The following GALNTL6 variants were observed in gnomAD, a reference collection of about 807,000 sequenced individuals.
GALNTL6 encodes the protein polypeptide N-acetylgalactosaminyltransferase-like 6.
GALNTL6 carries 46 observed loss-of-function variants against 73.7 expected under a neutral mutation model. The ratio of observed to expected loss-of-function variants is 0.62; its 90% CI spans 0.49 to 0.80. The LOEUF (loss-of-function observed/expected upper bound fraction) is 0.80, where lower values mean the gene tolerates loss of function less well. Among genes scored for constraint, GALNTL6 ranks in the 30% least tolerant of loss-of-function variants. The probability of loss-of-function intolerance (pLI) is 0.00; values close to 1 mark genes in which losing one functional copy is unlikely to be tolerated. For synonymous variants in GALNTL6, 259 were observed against 263.7 expected, an observed-to-expected ratio of 0.98 and a Z score of 0.17; for missense variants, 604 against 755.0, an observed-to-expected ratio of 0.80 and a Z score of 2.34.
chr4:172,003,336 G>A (rs1393654889), intron 2 of GALNTL6, among the ~76,000 whole-genome samples: 11 of 151,948 alleles, frequency 7.2e-5, no homozygotes, highest in Admixed American at 5.9e-4. Flanking sequence ...TAAGAAGGGA[G>A]AAAAAGGAAC....
At chr4:172,224,806 C>G (rs182166926) in intron 2 of GALNTL6, among the ~76,000 whole-genome samples, 1 of 152,234 alleles carries the variant, frequency 6.6e-6, no homozygotes, top group East Asian at 1.9e-4. Flanking sequence ...TTTTTTACCT[C>G]TGGTAAATAC....
At chr4:172,167,414 G>A (rs1297256271) in intron 2 of GALNTL6, among the ~76,000 whole-genome samples, 1 of 152,124 alleles carries the variant, frequency 6.6e-6, no homozygotes, top group African/African-American at 2.4e-5. Context: ...CCAACCAAAA[G>A]AAGTCTTGTT....
intron 5 of GALNTL6, among the ~76,000 whole-genome samples, chr4:172,583,479 A>G (rs985709000): frequency 7.9e-5 from 12 of 152,346 alleles, no homozygotes; most frequent in Admixed American, 1.3e-4. Context: ...ATATTATTCC[A>G]TTTTAAATTT....
chr4:172,994,654 G>C (rs1271737290), intron 10 of GALNTL6, among the ~76,000 whole-genome samples: 1 of 152,108 alleles, frequency 6.6e-6, no homozygotes, highest in Non-Finnish European at 1.5e-5. Flanking sequence ...ATTCGCAATA[G>C]ATAACCCAGA....
chr4:172,378,401 A>G (rs915315685), intron 5 of GALNTL6, among the ~76,000 whole-genome samples: 1 of 152,190 alleles, frequency 6.6e-6, no homozygotes, highest in Admixed American at 6.5e-5. Flanking sequence ...GGGAAGGTGA[A>G]AAGATATTAC....
chr4:173,003,534 A>C (rs1480455783), intron 10 of GALNTL6, among the ~76,000 whole-genome samples: 1 of 152,186 alleles, frequency 6.6e-6, no homozygotes, highest in African/African-American at 2.4e-5. Flanking sequence ...CAAACAAATA[A>C]ATAGTAGCTA....
At chr4:172,898,853 C>T (rs948759694) in intron 8 of GALNTL6, among the ~76,000 whole-genome samples, 12 of 152,134 alleles carry the variant, frequency 7.9e-5, no homozygotes, top group Admixed American at 2.6e-4. Flanking sequence ...TCAGACAGCC[C>T]GGCGCTGCAT....
chr4:172,099,642 T>C (rs1261398102), intron 2 of GALNTL6, among the ~76,000 whole-genome samples: 1 of 152,168 alleles, frequency 6.6e-6, no homozygotes, highest in African/African-American at 2.4e-5. Context: ...TAAATTTTCT[T>C]CTGGCTTTTC....
chr4:172,548,054 C>T (rs985241218), intron 5 of GALNTL6, among the ~76,000 whole-genome samples: 6 of 152,106 alleles, frequency 3.9e-5, no homozygotes, highest in African/African-American at 1.2e-4. Flanking sequence ...GTGTATTAAT[C>T]TATTGAGGAT....
intron 3 of GALNTL6, among the ~76,000 whole-genome samples, chr4:172,237,510 T>G (rs1737281302): frequency 6.6e-6 from 1 of 152,150 alleles, no homozygotes; most frequent in Admixed American, 6.5e-5. Context: ...ATGCATAGTT[T>G]ACAAATATTT....
intron 2 of GALNTL6, among the ~76,000 whole-genome samples, chr4:171,972,191 T>C (rs1231453349): frequency 6.6e-6 from 1 of 152,166 alleles, no homozygotes; most frequent in East Asian, 1.9e-4. Flanking sequence ...AACATATATA[T>C]GCCATATATG....
In GALNTL6 at chr4:172,809,271, C is replaced by CACAT. The variant is rs1297116858; in HGVS notation, c.554-87_554-84dup. 5.0e-6 allele frequency: 5 copies of CACAT among 1,003,996 alleles called. No individual in the cohort carries two copies. The highest frequency in any genetic ancestry group is 7.7e-6 in the Non-Finnish European group (5 of 651,330). The allele number at this position is 1,003,996 out of a possible 1,614,324, so 62.2% of individuals were successfully genotyped here. On this transcript the variant is annotated intron_variant, in intron 5 of 12. Transcript: ENST00000506823. This position sits in a 1 kb window ranked among gnomAD's most constrained non-coding sequence, Gnocchi z 4.4. ...GAATGTTACCCCAGGATTCATCAGT[C>CACAT]ACATACTCTCTATGCACAAACAACC...
intron 2 of GALNTL6, among the ~76,000 whole-genome samples, chr4:172,227,337 C>T (rs1203559709): frequency 6.6e-6 from 1 of 152,174 alleles, no homozygotes; most frequent in African/African-American, 2.4e-5. Context: ...AGGCTAACAA[C>T]ATAGGCTAAC....
chr4:173,006,784 G>T (rs548982256), intron 10 of GALNTL6, among the ~76,000 whole-genome samples: 1 of 152,178 alleles, frequency 6.6e-6, no homozygotes, highest in Non-Finnish European at 1.5e-5. Flanking sequence ...GAGTCGATGG[G>T]TTCCAGGAAA....
intron 5 of GALNTL6, among the ~76,000 whole-genome samples, chr4:172,740,594 A>C (rs1475692561): frequency 6.6e-6 from 1 of 152,196 alleles, no homozygotes; most frequent in Non-Finnish European, 1.5e-5. Context: ...CAGACAAAGC[A>C]ACTCTCTCAT....
chr4:172,749,929 A>G (rs973022638), intron 5 of GALNTL6, among the ~76,000 whole-genome samples: 1 of 152,144 alleles, frequency 6.6e-6, no homozygotes. Context: ...TTTTTCAACT[A>G]TATCCTTAAA....
chr4:172,950,246 T>C (rs756955747), intron 9 of GALNTL6, among the ~76,000 whole-genome samples: 1 of 151,870 alleles, frequency 6.6e-6, no homozygotes, highest in Non-Finnish European at 1.5e-5. Flanking sequence ...GTCCAAGGAG[T>C]AGAAAGCGTT....
At chr4:172,403,772 A>C (rs1744122107) in intron 5 of GALNTL6, among the ~76,000 whole-genome samples, 1 of 152,022 alleles carries the variant, frequency 6.6e-6, no homozygotes, top group Admixed American at 6.6e-5. Context: ...TGGAAGTATT[A>C]ACTCTACCAT....
intron 5 of GALNTL6, among the ~76,000 whole-genome samples, chr4:172,539,897 AT>A (rs1735486402): frequency 7.2e-6 from 1 of 138,592 alleles, no homozygotes; most frequent in African/African-American, 2.9e-5. Context: ...ATATATATAT[AT>A]ATATATATAA....
Sources: allele counts gnomAD v4.1 joint callset (sites outside exome capture counted in the v4.1 genomes callset), GRCh38; gene constraint gnomAD v4.1.1; non-coding constraint Gnocchi (gnomAD v3.1); transcripts MANE v1.5; gene names NCBI Gene and HGNC (gene_info 2026-07-23, HGNC 2026-07-21).